Variants in ZGPAT observed in about 807,000 individuals in gnomAD.
ZGPAT encodes the protein zinc finger CCCH-type with G patch domain-containing protein.
Under a neutral mutation model 47.9 loss-of-function variants are expected in ZGPAT, and 39 were observed. That is an observed-to-expected ratio of 0.81 (90% CI 0.63 to 1.06). ZGPAT has a LOEUF of 1.06. Ranked by LOEUF, ZGPAT falls within the 50% of genes least tolerant of loss-of-function variation. The pLI is 0.00. For missense variants in ZGPAT, 717 were observed against 681.4 expected (o/e 1.05, Z -0.58); for synonymous variants, 348 against 292.9 (o/e 1.19, Z -1.92).
intron 2 of ZGPAT, among the ~76,000 whole-genome samples, chr20:63,710,045 A>G (rs1277207191): frequency 6.6e-6 from 1 of 151,820 alleles, no homozygotes; most frequent in Non-Finnish European, 1.5e-5. Context: ...TATTTTTAGT[A>G]GAGACGGGGT....
At chr20:63,732,228 C>A (rs1034250829) in intron 2 of ZGPAT, among the ~76,000 whole-genome samples, 1 of 131,980 alleles carries the variant, frequency 7.6e-6, no homozygotes, top group African/African-American at 2.7e-5. Flanking sequence ...TGTTTGGGTG[C>A]GGGTGCATGT....
chr20:63,717,750 G>C (rs2091745861), intron 2 of ZGPAT, among the ~76,000 whole-genome samples: 1 of 152,036 alleles, frequency 6.6e-6, no homozygotes, highest in African/African-American at 2.4e-5. Context: ...TCTTTTATAA[G>C]TTTTTGCAGA....
intron 2 of ZGPAT, among the ~76,000 whole-genome samples, chr20:63,716,859 T>G (rs1039361157): frequency 1.3e-5 from 2 of 152,102 alleles, no homozygotes; most frequent in Non-Finnish European, 2.9e-5. Flanking sequence ...TTTTTATATT[T>G]TTAGTAGAGA....
At chr20:63,728,037 C>CTTT (rs11483917) in intron 2 of ZGPAT, among the ~76,000 whole-genome samples, 3 of 133,306 alleles carry the variant, frequency 2.3e-5, no homozygotes, top group Non-Finnish European at 4.8e-5. Context: ...TTTTTAAATT[C>CTTT]TTTTTTTTTT....
intron 1 of ZGPAT, 141 bp downstream of exon 1, chr20:63,708,259 C>T (rs898012325): frequency 1.2e-5 from 2 of 171,300 alleles, no homozygotes; most frequent in African/African-American, 4.8e-5. Flanking sequence ...CGCGGCCGGC[C>T]TGGAAGGCGG....
chr20:63,733,496 C>G, intron 3 of ZGPAT, 91 bp from the exon 4 acceptor site: 1 of 1,609,352 alleles, frequency 6.2e-7, no homozygotes. Flanking sequence ...CCCTCAGCCT[C>G]TGCCCTGCCT....
At position 63,732,187 on chromosome 20, in the gene ZGPAT, ATG is replaced by A. The variant is rs563921916; in HGVS notation, c.585-1027_585-1026del. Reference sequence around the variant, plus strand: ...TGTGGGTGACTGCATATGTGTGTGCATGTGTGGGTGCGGGTGCATCTGTGTGT... The same window carrying A: ...TGTGGGTGACTGCATATGTGTGTGCATGTGGGTGCGGGTGCATCTGTGTGT... On this transcript the variant is annotated intron_variant, in intron 2 of 6. Transcript: ENST00000355969. Among the ~76,000 whole-genome samples, 148 of 147,714 alleles carry A rather than the reference ATG, an allele frequency of 1.0e-3. 1 individual carries two copies. Among genetic ancestry groups the A allele is most frequent in the African/African-American group, 3.2e-3 (129 of 39,712 alleles).
At chr20:63,732,748 GTGTA>G (rs769945512) in intron 2 of ZGPAT, among the ~76,000 whole-genome samples, 6 of 151,922 alleles carry the variant, frequency 3.9e-5, no homozygotes, top group Non-Finnish European at 8.8e-5. Context: ...GTATATGTGT[GTGTA>G]TGCCTGTGTA....
At position 63,732,421 on chromosome 20, in the gene ZGPAT, TGA is replaced by T. The variant is rs372271321; in HGVS notation, c.585-793_585-792del. On this transcript the variant is annotated intron_variant, in intron 2 of 6. Transcript: ENST00000355969. ...GGGCCTGTGTGTGCGTGTGTGTGGG[TGA>T]GAGATGTGTGCGCATGTGTGTAGGT... 9.3e-3 allele frequency among the ~76,000 whole-genome samples: 1,282 copies of T among 138,470 alleles called. 43 individuals carry two copies. Among genetic ancestry groups the T allele is most frequent in the East Asian group, 0.063 (288 of 4,602 alleles). 90.8% of individuals were successfully genotyped at this position (138,470 alleles called of 152,430 possible).
At position 63,733,581 on chromosome 20, in the gene ZGPAT, C is replaced by T. The variant is rs368074275; in HGVS notation, c.719-6C>T. The T allele has an allele frequency of 1.4e-5, 22 of 1,614,148 alleles. No individual in the cohort carries two copies. Among genetic ancestry groups the T allele is most frequent in the South Asian group, 9.9e-5 (9 of 91,090 alleles). On this transcript the variant is annotated splice_region_variant and splice_polypyrimidine_tract_variant and intron_variant, in intron 3 of 6. Transcript: ENST00000355969. Reference sequence around the variant, plus strand: ...ATTCTGACCTGCAGCTTGTCTCTGCCCCCAGATGTGGACAACGGCTACTAC... The same window carrying T: ...ATTCTGACCTGCAGCTTGTCTCTGCTCCCAGATGTGGACAACGGCTACTAC...
At chr20:63,710,809 C>T (rs189022279) in intron 2 of ZGPAT, among the ~76,000 whole-genome samples, 3 of 152,300 alleles carry the variant, frequency 2.0e-5, no homozygotes, top group Non-Finnish European at 2.9e-5. Flanking sequence ...ATAGGTAACA[C>T]ATTTAATGGT....
intron 2 of ZGPAT, among the ~76,000 whole-genome samples, chr20:63,726,145 A>C (rs2091843260): frequency 6.6e-6 from 1 of 150,950 alleles, no homozygotes; most frequent in African/African-American, 2.4e-5. Context: ...GGCCAGGATA[A>C]TTTTTAATGA....
intron 2 of ZGPAT, among the ~76,000 whole-genome samples, chr20:63,718,061 A>G (rs916248677): frequency 4.6e-5 from 7 of 151,944 alleles, no homozygotes; most frequent in Admixed American, 3.3e-4. Context: ...GAAAAAAAAA[A>G]GTTTTTGCAG....
chr20:63,730,970 C>CTCTCTCTGTGTG (rs1237935541), intron 2 of ZGPAT, among the ~76,000 whole-genome samples: 9 of 115,192 alleles, frequency 7.8e-5, no homozygotes, highest in Non-Finnish European at 1.4e-4. Flanking sequence ...CTCTCTCTCT[C>CTCTCTCTGTGTG]TGTGTGTGTG....
chr20:63,729,176 G>A (rs557313656), intron 2 of ZGPAT, among the ~76,000 whole-genome samples: 3 of 151,822 alleles, frequency 2.0e-5, no homozygotes, highest in East Asian at 1.9e-4. Context: ...AATTATAGGC[G>A]CACGCCATCA....
chr20:63,708,432 G>GCA, intron 1 of ZGPAT, 121 bp from the exon 2 acceptor site: 1 of 692,850 alleles, frequency 1.4e-6, no homozygotes, highest in South Asian at 2.0e-5. Context: ...TCTGCGCTGG[G>GCA]AGCTGTGCCT....
In ZGPAT at chr20:63,733,364, C is replaced by A; in HGVS notation, c.718+12C>A. 1.9e-6 allele frequency: 3 copies of A among 1,608,082 alleles called. No individual in the cohort carries two copies. The highest frequency in any genetic ancestry group is 2.5e-6 in the Non-Finnish European group (3 of 1,178,338). On this transcript the variant is annotated intron_variant, in intron 3 of 6. Transcript: ENST00000355969. ...AGCACGCATCACCGGTGAGGCTGGCCGTGGGGGCCTCCCGGGAACACCCTC... is the reference window on the plus strand; with the variant it reads ...AGCACGCATCACCGGTGAGGCTGGCAGTGGGGGCCTCCCGGGAACACCCTC...
In ZGPAT at chr20:63,735,166, C is replaced by A; in HGVS notation, c.999C>A (p.Gly333=). The part of the protein sequence containing the change: ...KMGYEFGKGL[G]RHAEGRVEPI... Reference sequence around the variant, plus strand: ...ATCCCCGTGCCTCCGCAGGTTTGGGCCGACACGCGGAAGGCCGGGTGGAGC... The same window carrying A: ...ATCCCCGTGCCTCCGCAGGTTTGGGACGACACGCGGAAGGCCGGGTGGAGC... Residue 333 remains glycine, a synonymous_variant, in exon 6 of 7, where the codon GGC becomes GGA. Transcript: ENST00000355969. 1 of 1,512,628 alleles carries A rather than the reference C, an allele frequency of 6.6e-7. No individual in the cohort carries two copies. The highest frequency in any genetic ancestry group is 2.2e-5 in the Admixed American group (1 of 44,594). 93.7% of individuals were successfully genotyped at this position (1,512,628 alleles called of 1,614,324 possible).
intron 4 of ZGPAT, chr20:63,734,472 T>C: frequency 1.3e-6 from 1 of 750,908 alleles, no homozygotes; most frequent in Non-Finnish European, 2.2e-6. Context: ...GGGACTGCCA[T>C]GCACTCTGCC....
Sources: allele counts gnomAD v4.1 joint callset (sites outside exome capture counted in the v4.1 genomes callset), GRCh38; gene constraint gnomAD v4.1.1; transcripts MANE v1.5; gene names NCBI Gene and HGNC (gene_info 2026-07-23, HGNC 2026-07-21).